Variants in HYAL4 observed in about 807,000 individuals in gnomAD.
The protein encoded by HYAL4 is hyaluronidase-4.
In HYAL4, 37 loss-of-function variants were observed where a neutral mutation model predicts 35.2. The ratio of observed to expected loss-of-function variants is 1.05; its 90% CI spans 0.81 to 1.38. The LOEUF is 1.38. HYAL4 is among the 40% of genes most tolerant of loss of function. The pLI is 0.00. For synonymous variants in HYAL4, 198 were observed against 203.2 expected (o/e 0.97, Z 0.22); for missense variants, 572 against 572.4 (o/e 1.00, Z 0.01).
the HYAL4 span, among the ~76,000 whole-genome samples, chr7:123,779,775 G>T: frequency 2.0e-5 from 3 of 151,806 alleles, no homozygotes; most frequent in Non-Finnish European, 4.4e-5. Flanking sequence ...GTTAATTATG[G>T]TTTCTTGGAT....
At chr7:123,777,376 CAT>C in the HYAL4 span, among the ~76,000 whole-genome samples, 7 of 151,872 alleles carry the variant, frequency 4.6e-5, no homozygotes, top group Admixed American at 2.6e-4. Context: ...TTAAATAAAA[CAT>C]ATAACTAAAA....
chr7:123,807,777 G>A, the HYAL4 span, among the ~76,000 whole-genome samples: 12 of 151,622 alleles, frequency 7.9e-5, no homozygotes, highest in Non-Finnish European at 1.5e-4. Context: ...TGTCACCCAG[G>A]CTGGAGTGCA....
the HYAL4 span, among the ~76,000 whole-genome samples, chr7:123,773,208 A>G: frequency 1.3e-5 from 2 of 152,178 alleles, no homozygotes; most frequent in South Asian, 2.1e-4. Flanking sequence ...AATGCAACAA[A>G]TAGTCCAGGT....
chr7:123,850,526 C>A (rs975844665), intron 2 of HYAL4, among the ~76,000 whole-genome samples: 4 of 152,096 alleles, frequency 2.6e-5, no homozygotes, highest in African/African-American at 9.7e-5. Context: ...AGTCTTGAGC[C>A]ACCGTGCGAC....
intron 3 of HYAL4, among the ~76,000 whole-genome samples, chr7:123,872,452 G>C (rs1419793958): frequency 6.6e-6 from 1 of 152,084 alleles, no homozygotes; most frequent in East Asian, 1.9e-4. Flanking sequence ...CCCCACAGTG[G>C]GCACGTTGCT....
chr7:123,803,790 C>A, the HYAL4 span, among the ~76,000 whole-genome samples: 2 of 152,170 alleles, frequency 1.3e-5, no homozygotes, highest in Non-Finnish European at 2.9e-5. Context: ...TGTACATGCC[C>A]TTTGTCTTTC....
chr7:123,812,358 TCTC>T, the HYAL4 span, among the ~76,000 whole-genome samples: 1 of 147,406 alleles, frequency 6.8e-6, no homozygotes, highest in Non-Finnish European at 1.5e-5. Flanking sequence ...AAAAATAAAA[TCTC>T]AGCAGCATGT....
intron 1 of HYAL4, among the ~76,000 whole-genome samples, chr7:123,839,500 AGT>A (rs2116914195): frequency 6.6e-6 from 1 of 152,348 alleles, no homozygotes; most frequent in African/African-American, 2.4e-5. Flanking sequence ...GTATATACCC[AGT>A]AATGGGATTG....
At chr7:123,804,729 C>T in the HYAL4 span, among the ~76,000 whole-genome samples, 36 of 152,136 alleles carry the variant, frequency 2.4e-4, no homozygotes, top group Admixed American at 1.3e-3. Flanking sequence ...TAGCATCTAA[C>T]CATGAATGTG....
At chr7:123,835,533 T>G (rs550316356) in intron 1 of HYAL4, among the ~76,000 whole-genome samples, 1 of 152,266 alleles carries the variant, frequency 6.6e-6, no homozygotes, top group East Asian at 1.9e-4. Context: ...AAGAAGCAGG[T>G]TTTATTTCAT....
chr7:123,771,618 T>G, the HYAL4 span, among the ~76,000 whole-genome samples: 1 of 152,214 alleles, frequency 6.6e-6, no homozygotes, highest in Non-Finnish European at 1.5e-5. Context: ...TGTTATGATA[T>G]TTTGGCATTT....
intron 1 of HYAL4, among the ~76,000 whole-genome samples, chr7:123,829,963 C>T (rs979470031): frequency 6.6e-6 from 1 of 152,126 alleles, no homozygotes; most frequent in African/African-American, 2.4e-5. Flanking sequence ...GTAAGAGAGT[C>T]AAAGCCTCTC....
At chr7:123,862,130 T>A (rs982067985) in intron 2 of HYAL4, among the ~76,000 whole-genome samples, 4 of 152,176 alleles carry the variant, frequency 2.6e-5, no homozygotes, top group African/African-American at 9.7e-5. Flanking sequence ...TGGCAATTAG[T>A]TCTGCGAAAT....
At chr7:123,849,617 A>G (rs1806256970) in intron 2 of HYAL4, among the ~76,000 whole-genome samples, 1 of 152,098 alleles carries the variant, frequency 6.6e-6, no homozygotes, top group Non-Finnish European at 1.5e-5. Flanking sequence ...TTTCTTTTTT[A>G]AAACAATATA....
chr7:123,823,336 T>C, the HYAL4 span, among the ~76,000 whole-genome samples: 1 of 152,232 alleles, frequency 6.6e-6, no homozygotes, highest in Non-Finnish European at 1.5e-5. Flanking sequence ...TTTAATGTGC[T>C]ATTGAATTTG....
chr7:123,864,179 A>G lies in HYAL4; in HGVS notation c.-51-4044A>G, dbSNP rs140772924. ...AGCTAAACCTTCCTCACTTCCTTCT[A>G]CTAGAGGAGGGGTCAGGAGAAAGCT... On this transcript the variant is annotated intron_variant, in intron 2 of 4. Transcript: ENST00000223026. Among the ~76,000 whole-genome samples the G allele has an allele frequency of 2.4e-3, 366 of 152,276 alleles. 1 individual carries two copies. Among genetic ancestry groups the G allele is most frequent in the African/African-American group, 8.4e-3 (351 of 41,560 alleles).
Position 123,868,994 on chromosome 7 carries a change from G to T in HYAL4, c.721G>T (p.Glu241Ter), listed in dbSNP as rs766347554. The change falls in exon 3 of 5, where the codon GAA becomes TAA. Residue 241 changes from glutamate (E) to a stop codon, truncating the protein, a stop_gained. Transcript: ENST00000223026. LOFTEE classifies it high-confidence loss of function. Reference protein sequence around the residue: ...PNYSGSCPEDEVLRNNELSWL... With the variant: ...PNYSGSCPED ...CTACTCTGGGTCATGCCCAGAAGAC[G>T]AAGTCTTGAGGAACAATGAGCTCTC... 6.2e-7 allele frequency: 1 copy of T among 1,613,790 alleles called. No individual in the cohort carries two copies. The highest frequency in any genetic ancestry group is 8.5e-7 in the Non-Finnish European group (1 of 1,179,798).
the HYAL4 span, chr7:123,790,578 A>C: frequency 6.7e-6 from 1 of 149,576 alleles, no homozygotes; most frequent in Non-Finnish European, 1.5e-5. Context: ...CTAAATTCAA[A>C]GACATGCCTT....
chr7:123,867,397 T>C (rs1473961181), intron 2 of HYAL4, among the ~76,000 whole-genome samples: 2 of 152,180 alleles, frequency 1.3e-5, no homozygotes, highest in African/African-American at 2.4e-5. Flanking sequence ...GCAATCATGA[T>C]GAGTGAGGCA....
Sources: allele counts gnomAD v4.1 joint callset (sites outside exome capture counted in the v4.1 genomes callset), GRCh38; gene constraint gnomAD v4.1.1; transcripts MANE v1.5; gene names NCBI Gene and HGNC (gene_info 2026-07-23, HGNC 2026-07-21).